Variants in SUGCT observed in about 807,000 individuals in gnomAD.
The protein encoded by SUGCT is succinyl-CoA:glutarate-CoA transferase.
Under a neutral mutation model 55.0 loss-of-function variants are expected in SUGCT, and 41 were observed. That is an observed-to-expected ratio of 0.74 (90% CI 0.58 to 0.97). The LOEUF is 0.97. Among genes scored for constraint, SUGCT ranks in the 50% least tolerant of loss-of-function variants. The pLI is 0.00. For synonymous variants in SUGCT, 187 were observed against 200.4 expected (o/e 0.93, Z 0.56); for missense variants, 568 against 547.8 (o/e 1.04, Z -0.37).
intron 12 of SUGCT, among the ~76,000 whole-genome samples, chr7:40,536,380 G>A (rs988429066): frequency 2.6e-5 from 4 of 152,212 alleles, no homozygotes; most frequent in African/African-American, 9.6e-5. Flanking sequence ...GATTGCTGGT[G>A]TCTGAAGGTA....
At chr7:40,498,856 G>T (rs1013408379) in intron 12 of SUGCT, among the ~76,000 whole-genome samples, 1 of 152,116 alleles carries the variant, frequency 6.6e-6, no homozygotes, top group African/African-American at 2.4e-5. Context: ...TGGGGATGGG[G>T]ATCATTAAGT....
At chr7:40,878,230 A>G in the SUGCT span, among the ~76,000 whole-genome samples, 97 of 152,248 alleles carry the variant, frequency 6.4e-4, no homozygotes, top group Admixed American at 7.2e-4. Flanking sequence ...AGTATCTCTG[A>G]GAATGCTAAT....
At chr7:40,534,508 C>T (rs765501271) in intron 12 of SUGCT, among the ~76,000 whole-genome samples, 15 of 152,130 alleles carry the variant, frequency 9.9e-5, no homozygotes, top group Non-Finnish European at 1.9e-4. Context: ...CTCAGCCTCA[C>T]GAGTAGCTGG....
At chr7:41,025,645 G>A in the SUGCT span, among the ~76,000 whole-genome samples, 2,129 of 152,166 alleles carry the variant, frequency 0.014, 52 homozygotes, top group African/African-American at 0.048. Flanking sequence ...GTGAGCCACC[G>A]TGCCCAGCCA....
chr7:40,292,553 G>GT (rs751655457), intron 8 of SUGCT, among the ~76,000 whole-genome samples: 7 of 152,098 alleles, frequency 4.6e-5, no homozygotes, highest in Non-Finnish European at 7.4e-5. Context: ...AGACAGCTCT[G>GT]TAATTCTTTT....
At chr7:40,478,856 T>C (rs932728653) in intron 11 of SUGCT, among the ~76,000 whole-genome samples, 8 of 152,152 alleles carry the variant, frequency 5.3e-5, no homozygotes, top group African/African-American at 1.9e-4. Context: ...ATCTAATCCA[T>C]GTTAATATAC....
chr7:40,898,303 G>A, the SUGCT span, among the ~76,000 whole-genome samples: 1 of 152,136 alleles, frequency 6.6e-6, no homozygotes, highest in Non-Finnish European at 1.5e-5. Flanking sequence ...CAGACATGCT[G>A]CTTTGCTGCG....
chr7:40,501,482 G>A (rs1266807482), intron 12 of SUGCT, among the ~76,000 whole-genome samples: 1 of 152,106 alleles, frequency 6.6e-6, no homozygotes, highest in Non-Finnish European at 1.5e-5. Context: ...CAAGGACTTA[G>A]TATAACATTA....
chr7:40,217,375 T>A, intron 6 of SUGCT: 2 of 430,608 alleles, frequency 4.6e-6, no homozygotes, highest in Non-Finnish European at 9.3e-6. Context: ...TACACCAGGC[T>A]AATTTTTGTA....
the SUGCT span, among the ~76,000 whole-genome samples, chr7:41,014,903 T>A: frequency 6.6e-6 from 1 of 152,206 alleles, no homozygotes; most frequent in Non-Finnish European, 1.5e-5. Context: ...AAATTGAGAA[T>A]GATCAAATAA....
At chr7:40,281,696 C>G (rs1792959072) in intron 8 of SUGCT, among the ~76,000 whole-genome samples, 5 of 152,096 alleles carry the variant, frequency 3.3e-5, no homozygotes, top group Admixed American at 3.3e-4. Context: ...AAATATAATA[C>G]AAAACTATTG....
intron 9 of SUGCT, among the ~76,000 whole-genome samples, chr7:40,418,109 T>C (rs991318557): frequency 6.6e-6 from 1 of 152,186 alleles, no homozygotes; most frequent in Non-Finnish European, 1.5e-5. Flanking sequence ...AAATTCTTTT[T>C]TTGTTAGGTT....
intron 12 of SUGCT, among the ~76,000 whole-genome samples, chr7:40,519,548 T>C (rs1042455488): frequency 2.0e-5 from 3 of 152,014 alleles, no homozygotes; most frequent in African/African-American, 4.8e-5. Context: ...GAATGCTGTA[T>C]GTTCAGTAGA....
At chr7:40,298,239 TG>T (rs1446367683) in intron 8 of SUGCT, among the ~76,000 whole-genome samples, 1 of 151,416 alleles carries the variant, frequency 6.6e-6, no homozygotes, top group African/African-American at 2.4e-5. Context: ...GGCCTGAGGC[TG>T]AAAGTGAGGT....
chr7:40,577,256 T>C (rs1035924311), intron 12 of SUGCT, among the ~76,000 whole-genome samples: 7 of 152,100 alleles, frequency 4.6e-5, no homozygotes, highest in Non-Finnish European at 2.9e-5. Flanking sequence ...TGGAAAAGAC[T>C]GAGAGCTGCT....
chr7:40,903,337 A>G, the SUGCT span, among the ~76,000 whole-genome samples: 1 of 152,132 alleles, frequency 6.6e-6, no homozygotes, highest in Non-Finnish European at 1.5e-5. Flanking sequence ...CCCCACTTAC[A>G]TCAGCGCCTA....
intron 7 of SUGCT, among the ~76,000 whole-genome samples, chr7:40,272,249 T>C (rs1792113872): frequency 1.5e-5 from 2 of 135,784 alleles, no homozygotes; most frequent in African/African-American, 6.0e-5. Context: ...CATAGCTCAT[T>C]CCAGCCTGGA....
intron 13 of SUGCT, among the ~76,000 whole-genome samples, chr7:40,765,254 A>G (rs180677936): frequency 1.0e-3 from 152 of 152,270 alleles, no homozygotes; most frequent in African/African-American, 3.5e-3. Context: ...CTTAAATCAG[A>G]TTAGAACTGT....
intron 8 of SUGCT, among the ~76,000 whole-genome samples, chr7:40,306,273 T>C (rs528209049): frequency 6.6e-6 from 1 of 152,324 alleles, no homozygotes; most frequent in East Asian, 1.9e-4. Context: ...ATTTTCCTAC[T>C]GGGAAGGCCC....
Sources: gnomAD v4.1 joint callset for allele counts (sites outside exome capture counted in the v4.1 genomes callset) on GRCh38, gnomAD v4.1.1 for gene constraint, MANE v1.5 for transcripts, NCBI Gene and HGNC (gene_info 2026-07-23, HGNC 2026-07-21) for gene names.